The following NRXN1 variants were observed in gnomAD, a reference collection of about 807,000 sequenced individuals.
The protein encoded by NRXN1 is neurexin-1.
A neutral mutation model predicts 150.9 loss-of-function variants in NRXN1; 39 were observed. That is an observed-to-expected ratio of 0.26 (90% confidence interval 0.20 to 0.34). NRXN1 has a LOEUF of 0.34. NRXN1 is among the 10% of genes least tolerant of loss of function. The pLI, the probability that NRXN1 is intolerant of heterozygous loss-of-function variation, is 1.00. For missense variants in NRXN1, 1,815 were observed against 1,949.9 expected, an observed-to-expected ratio of 0.93 and a Z score of 1.30; for synonymous variants, 924 against 757.0, an observed-to-expected ratio of 1.22 and a Z score of -3.62.
intron 17 of NRXN1, among the ~76,000 whole-genome samples, chr2:50,329,260 C>A (rs2076586219): frequency 6.6e-6 from 1 of 151,910 alleles, no homozygotes; most frequent in South Asian, 2.1e-4. Flanking sequence ...AGGTAATGAA[C>A]AGATAATTTG....
At chr2:50,302,325 T>C (rs938425896) in intron 17 of NRXN1, among the ~76,000 whole-genome samples, 1 of 152,212 alleles carries the variant, frequency 6.6e-6, no homozygotes, top group Non-Finnish European at 1.5e-5. Context: ...TAAAGTTTCA[T>C]AAATGCACCA....
In NRXN1 at chr2:50,433,032, C is replaced by A. The variant is rs532617552; in HGVS notation, c.3364+32410G>T. Among the ~76,000 whole-genome samples, 3 of 152,256 alleles carry A rather than the reference C, an allele frequency of 2.0e-5. No homozygotes were observed. The South Asian group carries it at 6.2e-4, about 32-fold the overall frequency. On this transcript the variant is annotated intron_variant, in intron 17 of 22. Transcript: ENST00000401669. ...ATGAGTCCCTCAGAGAAAGAATTTC[C>A]TCCTTAATAAAAAATGATACATAGA...
chr2:50,335,300 C>T (rs891918133), intron 17 of NRXN1, among the ~76,000 whole-genome samples: 3 of 152,112 alleles, frequency 2.0e-5, no homozygotes, highest in African/African-American at 7.2e-5. Flanking sequence ...ATGCTAGATT[C>T]TTAGCATTTG....
At chr2:50,075,314 G>A (rs1046810358) in intron 19 of NRXN1, among the ~76,000 whole-genome samples, 18 of 152,120 alleles carry the variant, frequency 1.2e-4, no homozygotes, top group African/African-American at 4.1e-4. Flanking sequence ...TAAACATCTT[G>A]GCTGCACACC....
At chr2:49,968,901 T>G (rs1677435522) in intron 21 of NRXN1, among the ~76,000 whole-genome samples, 2 of 152,110 alleles carry the variant, frequency 1.3e-5, no homozygotes, top group South Asian at 4.1e-4. Flanking sequence ...AGTGTCTCAT[T>G]TTTCTTTGCA....
intron 11 of NRXN1, among the ~76,000 whole-genome samples, chr2:50,530,874 A>T (rs1213789619): frequency 2.6e-5 from 4 of 152,178 alleles, no homozygotes; most frequent in Non-Finnish European, 5.9e-5. Context: ...ATCTGCAAGG[A>T]TGTCACCTAC....
chr2:50,095,444 A>G (rs999713090), intron 18 of NRXN1, among the ~76,000 whole-genome samples: 2 of 152,144 alleles, frequency 1.3e-5, no homozygotes, highest in Non-Finnish European at 2.9e-5. Context: ...TACACTGGAA[A>G]AAATTCTTGC....
chr2:50,933,414 G>T (rs953317769), intron 2 of NRXN1, among the ~76,000 whole-genome samples: 1 of 151,902 alleles, frequency 6.6e-6, no homozygotes, highest in East Asian at 1.9e-4. Flanking sequence ...TTACATACTC[G>T]CTGTGTAGTA....
intron 17 of NRXN1, among the ~76,000 whole-genome samples, chr2:50,308,695 T>A (rs1326604501): frequency 6.6e-6 from 1 of 152,092 alleles, no homozygotes; most frequent in East Asian, 1.9e-4. Context: ...AGTGAGACCA[T>A]GCAATATTTT....
intron 18 of NRXN1, among the ~76,000 whole-genome samples, chr2:50,170,965 G>A (rs866199678): frequency 3.9e-5 from 6 of 152,228 alleles, no homozygotes; most frequent in South Asian, 2.1e-4. Context: ...CATATTTTGT[G>A]TGTTATATGT....
At chr2:50,055,381 A>T (rs1437973753) in intron 19 of NRXN1, among the ~76,000 whole-genome samples, 1 of 152,128 alleles carries the variant, frequency 6.6e-6, no homozygotes, top group African/African-American at 2.4e-5. Flanking sequence ...TGTCTTTTTG[A>T]TGTTTCTTAT....
At chr2:49,996,559 G>A (rs777011332) in intron 21 of NRXN1, among the ~76,000 whole-genome samples, 1 of 152,094 alleles carries the variant, frequency 6.6e-6, no homozygotes, top group East Asian at 1.9e-4. Flanking sequence ...ATTGTCTGGT[G>A]GGCCCAGTGT....
chr2:50,608,659 C>T (rs1304734794), intron 8 of NRXN1, among the ~76,000 whole-genome samples: 1 of 152,060 alleles, frequency 6.6e-6, no homozygotes, highest in Non-Finnish European at 1.5e-5. Flanking sequence ...AGATTGGTTT[C>T]AATCCTTGAT....
intron 8 of NRXN1, among the ~76,000 whole-genome samples, chr2:50,568,129 T>C (rs527344011): frequency 1.3e-5 from 2 of 152,144 alleles, no homozygotes; most frequent in Non-Finnish European, 2.9e-5. Context: ...AAAGATCAAG[T>C]AATGTAGCCT....
intron 5 of NRXN1, among the ~76,000 whole-genome samples, chr2:50,815,511 C>T (rs1053667928): frequency 1.3e-5 from 2 of 152,026 alleles, no homozygotes; most frequent in African/African-American, 4.8e-5. Context: ...TTTAAGAACC[C>T]ATGGTATTTT....
intron 11 of NRXN1, among the ~76,000 whole-genome samples, chr2:50,530,589 A>G (rs2093072954): frequency 6.6e-6 from 1 of 152,152 alleles, no homozygotes; most frequent in Non-Finnish European, 1.5e-5. Flanking sequence ...TTAAGCAGGA[A>G]AGCATTATCT....
At chr2:50,288,549 T>C (rs563566602) in intron 17 of NRXN1, among the ~76,000 whole-genome samples, 1 of 152,284 alleles carries the variant, frequency 6.6e-6, no homozygotes, top group South Asian at 2.1e-4. Flanking sequence ...GAAAGAGGTT[T>C]AATTGAATCA....
chr2:50,727,057 AG>A (rs1222798498), intron 5 of NRXN1, among the ~76,000 whole-genome samples: 2 of 152,228 alleles, frequency 1.3e-5, no homozygotes, highest in South Asian at 2.1e-4. Context: ...TGGATTTGGA[AG>A]GGGTTAGAAA....
chr2:50,508,861 A>C (rs1373225276), intron 12 of NRXN1, among the ~76,000 whole-genome samples: 2 of 152,180 alleles, frequency 1.3e-5, no homozygotes, highest in Non-Finnish European at 1.5e-5. Flanking sequence ...TTGATTTTAG[A>C]AGATAAGGTT....
Sources: gnomAD v4.1 joint callset for allele counts (sites outside exome capture counted in the v4.1 genomes callset) on GRCh38, gnomAD v4.1.1 for gene constraint, MANE v1.5 for transcripts, NCBI Gene and HGNC (gene_info 2026-07-23, HGNC 2026-07-21) for gene names.